The following RGS6 variants were observed in gnomAD, a reference collection of about 807,000 sequenced individuals.
RGS6 encodes the protein regulator of G-protein signaling 6.
RGS6 carries 30 observed loss-of-function variants against 78.5 expected under a neutral mutation model. The observed-to-expected ratio is 0.38, with a 90% confidence interval of 0.29 to 0.52. RGS6 has a LOEUF of 0.52. Ranked by LOEUF, RGS6 falls within the 20% of genes least tolerant of loss-of-function variation. RGS6 has a pLI of 0.85. For missense variants in RGS6, 495 were observed against 609.7 expected (o/e 0.81, Z 1.98); for synonymous variants, 206 against 206.0 (o/e 1.00, Z 0.00).
rs1391754745 is a variant in RGS6, at chr14:72,265,602, G to A, written c.85-86493G>A. On this transcript the variant is annotated intron_variant, in intron 2 of 17. Coordinates refer to ENST00000553525, the MANE Select transcript of RGS6 (RefSeq NM_001204424.2). ...ATTAACTCTACCATCACCACCTGCC[G>A]CTAACTACTGACGGCTACCCAATGG... Among the ~76,000 whole-genome samples, 7 of 152,218 alleles carry A rather than the reference G, an allele frequency of 4.6e-5. No individual in the cohort carries two copies. In the East Asian group the frequency reaches 5.8e-4, roughly 13 times the overall value.
chr14:71,910,132 G>C, the RGS6 span, among the ~76,000 whole-genome samples: 2 of 152,158 alleles, frequency 1.3e-5, no homozygotes, highest in Admixed American at 1.3e-4. Flanking sequence ...AGAGTTTGCA[G>C]TGAGCCAAGA....
At chr14:72,456,849 G>A (rs2095643108) in intron 4 of RGS6, among the ~76,000 whole-genome samples, 1 of 151,910 alleles carries the variant, frequency 6.6e-6, no homozygotes, top group Non-Finnish European at 1.5e-5. Context: ...AGGCTCAGCT[G>A]GGAGGACTGC....
the RGS6 span, among the ~76,000 whole-genome samples, chr14:72,579,908 G>A: frequency 5.3e-5 from 8 of 152,172 alleles, no homozygotes; most frequent in African/African-American, 1.9e-4. Flanking sequence ...TAGGTGGATG[G>A]GGCACGAATT....
intron 2 of RGS6, among the ~76,000 whole-genome samples, chr14:72,306,389 G>C (rs1209028678): frequency 6.6e-6 from 1 of 152,192 alleles, no homozygotes; most frequent in South Asian, 2.1e-4. Flanking sequence ...GGAGCAAAGA[G>C]TAATTTTGAT....
intron 2 of RGS6, among the ~76,000 whole-genome samples, chr14:72,267,475 A>G (rs2059255875): frequency 6.6e-6 from 1 of 152,194 alleles, no homozygotes; most frequent in Admixed American, 6.5e-5. Context: ...AAAACCAAAA[A>G]TACTTGCTAT....
intron 1 of RGS6, among the ~76,000 whole-genome samples, chr14:71,945,328 A>G (rs184661018): frequency 8.5e-5 from 13 of 152,320 alleles, no homozygotes; most frequent in Admixed American, 5.9e-4. Flanking sequence ...CCTGTTGTAG[A>G]TTCAGCATCT....
intron 2 of RGS6, among the ~76,000 whole-genome samples, chr14:71,983,394 A>G (rs1296098264): frequency 6.6e-6 from 1 of 152,236 alleles, no homozygotes; most frequent in Non-Finnish European, 1.5e-5. Flanking sequence ...GACACTTTTG[A>G]ACATTTCTGT....
intron 2 of RGS6, among the ~76,000 whole-genome samples, chr14:71,972,866 A>C (rs2153082158): frequency 6.6e-6 from 1 of 152,218 alleles, no homozygotes; most frequent in South Asian, 2.1e-4. Context: ...ATGAGGAGGA[A>C]TGAGGAGTCT....
In RGS6 at chr14:72,184,448, A is replaced by T. The variant is rs1381573432; in HGVS notation, c.85-167647A>T. Among the ~76,000 whole-genome samples, 2 of 151,826 alleles carry T rather than the reference A, an allele frequency of 1.3e-5. 1 individual carries two copies. Among genetic ancestry groups the T allele is most frequent in the South Asian group, 4.2e-4 (2 of 4,794 alleles). ...GAGAAAGAGAGAGAAGCCCAACCCA[A>T]CAAACCACTTAAGGGAAACCATGAA... On this transcript the variant is annotated intron_variant, in intron 2 of 17. Coordinates refer to ENST00000553525, the MANE Select transcript of RGS6 (RefSeq NM_001204424.2).
At chr14:72,593,244 C>T in the RGS6 span, among the ~76,000 whole-genome samples, 7 of 152,206 alleles carry the variant, frequency 4.6e-5, no homozygotes, top group African/African-American at 1.7e-4. Context: ...GCTGAACATC[C>T]GCTCTGAGCA....
intron 14 of RGS6, among the ~76,000 whole-genome samples, chr14:72,516,548 T>C (rs2096945983): frequency 6.6e-6 from 1 of 152,282 alleles, no homozygotes; most frequent in East Asian, 1.9e-4. Flanking sequence ...GGACACCAGA[T>C]GGCAGCAGCA....
chr14:72,479,165 T>G (rs925930763), intron 12 of RGS6, among the ~76,000 whole-genome samples: 3 of 152,346 alleles, frequency 2.0e-5, no homozygotes, highest in Middle Eastern at 6.8e-3. Flanking sequence ...GAGCCATCTA[T>G]AAGCCTGTAA....
At chr14:72,243,343 C>T (rs10142099) in intron 2 of RGS6, among the ~76,000 whole-genome samples, 2 of 27,816 alleles carry the variant, frequency 7.2e-5, no homozygotes. Context: ...AATCTCAGTT[C>T]CTTGAATCTT....
At chr14:71,873,090 C>A in the RGS6 span, among the ~76,000 whole-genome samples, 188 of 152,166 alleles carry the variant, frequency 1.2e-3, no homozygotes, top group African/African-American at 4.2e-3. Flanking sequence ...TGAATAGTGC[C>A]GCAATAAACA....
chr14:72,028,257 G>A (rs11844287), intron 2 of RGS6, among the ~76,000 whole-genome samples: 6,607 of 152,232 alleles, frequency 0.043, 175 homozygotes, highest in African/African-American at 0.077. Context: ...TATGTTCTGC[G>A]TGTTCACATT....
rs368110727 is a variant in RGS6, at chr14:72,394,382, G to A, written c.184+42188G>A. On this transcript the variant is annotated intron_variant, in intron 3 of 17. Coordinates refer to ENST00000553525, the MANE Select transcript of RGS6 (RefSeq NM_001204424.2). ...ATGACAAGGCAAATGGAGGTGGGGC[G>A]AGATCACAGGCCCGGGGCGAAATTA... Among the ~76,000 whole-genome samples, 59 of 152,178 alleles carry A rather than the reference G, an allele frequency of 3.9e-4. 3 individuals carry two copies. The South Asian group carries it at 8.1e-3, about 21-fold the overall frequency.
intron 2 of RGS6, among the ~76,000 whole-genome samples, chr14:72,296,256 C>A (rs1162188286): frequency 6.6e-6 from 1 of 152,180 alleles, no homozygotes; most frequent in Non-Finnish European, 1.5e-5. Context: ...TTTATCCATT[C>A]TCCTGTTTAT....
At chr14:72,318,445 C>T (rs1180385428) in intron 2 of RGS6, among the ~76,000 whole-genome samples, 1 of 152,114 alleles carries the variant, frequency 6.6e-6, no homozygotes, top group Non-Finnish European at 1.5e-5. Flanking sequence ...CAATAATTTG[C>T]ACCCTCCAAT....
At chr14:72,277,587 C>T (rs2060885225) in intron 2 of RGS6, among the ~76,000 whole-genome samples, 1 of 150,140 alleles carries the variant, frequency 6.7e-6, no homozygotes, top group Non-Finnish European at 1.5e-5. Flanking sequence ...CAGAGAGCGA[C>T]TCCATCTAAA....
Sources: allele counts gnomAD v4.1 joint callset (sites outside exome capture counted in the v4.1 genomes callset), GRCh38; gene constraint gnomAD v4.1.1; transcripts MANE v1.5; gene names NCBI Gene and HGNC (gene_info 2026-07-23, HGNC 2026-07-21).